The following CSMD1 variants were observed in gnomAD, a reference collection of about 807,000 sequenced individuals.
The protein encoded by CSMD1 is CUB and Sushi multiple domains 1.
CSMD1 carries 213 observed loss-of-function variants against 417.5 expected under a neutral mutation model. That is an observed-to-expected ratio of 0.51 (90% confidence interval 0.46 to 0.57). CSMD1 has a LOEUF of 0.57. Among genes scored for constraint, CSMD1 ranks in the 20% least tolerant of loss-of-function variants. The probability of loss-of-function intolerance (pLI) is 0.00; values close to 1 mark genes in which losing one functional copy is unlikely to be tolerated. For synonymous variants in CSMD1, 2,862 were observed against 1,736.8 expected (o/e 1.65, Z -16.11); for missense variants, 6,923 against 4,529.7 (o/e 1.53, Z -15.17).
At chr8:3,016,603 T>C (rs1808855608) in intron 52 of CSMD1, among the ~76,000 whole-genome samples, 1 of 152,262 alleles carries the variant, frequency 6.6e-6, no homozygotes, top group Non-Finnish European at 1.5e-5. Context: ...GTTTACCCAT[T>C]AGTATGTACA....
intron 12 of CSMD1, among the ~76,000 whole-genome samples, chr8:3,424,825 C>A (rs1813720168): frequency 6.6e-6 from 1 of 152,126 alleles, no homozygotes; most frequent in Non-Finnish European, 1.5e-5. Context: ...ATATTGTTAT[C>A]ATCATTCTAT....
chr8:4,122,098 A>C (rs1802517703), intron 3 of CSMD1, among the ~76,000 whole-genome samples: 1 of 152,152 alleles, frequency 6.6e-6, no homozygotes, highest in Admixed American at 6.5e-5. Flanking sequence ...ATAGAAATAT[A>C]ATATTGTATC....
At chr8:4,575,840 C>A (rs866148956) in intron 2 of CSMD1, among the ~76,000 whole-genome samples, 1 of 152,188 alleles carries the variant, frequency 6.6e-6, no homozygotes, top group Non-Finnish European at 1.5e-5. Flanking sequence ...TAGACTAGAT[C>A]ATCTCAGTCG....
At chr8:4,562,854 C>T in intron 2 of CSMD1, among the ~76,000 whole-genome samples, 1 of 152,146 alleles carries the variant, frequency 6.6e-6, no homozygotes, top group East Asian at 1.9e-4. Flanking sequence ...TCAAATGCCT[C>T]CAAAATACCC....
chr8:4,566,196 C>A (rs563684257), intron 2 of CSMD1, among the ~76,000 whole-genome samples: 1 of 152,086 alleles, frequency 6.6e-6, no homozygotes, highest in Admixed American at 6.5e-5. Flanking sequence ...CTACAATAGA[C>A]CATGCTAGTC....
intron 2 of CSMD1, among the ~76,000 whole-genome samples, chr8:4,595,028 T>C (rs1377785101): frequency 6.6e-6 from 1 of 152,206 alleles, no homozygotes; most frequent in African/African-American, 2.4e-5. Flanking sequence ...CTGGATTCCT[T>C]GTTGTATGTC....
chr8:3,484,539 T>C (rs1817917658), intron 11 of CSMD1, among the ~76,000 whole-genome samples: 1 of 152,140 alleles, frequency 6.6e-6, no homozygotes, highest in Admixed American at 6.5e-5. Context: ...AAAGAATCCT[T>C]AGAGTTGACA....
intron 37 of CSMD1, among the ~76,000 whole-genome samples, chr8:3,169,220 C>T (rs1178989202): frequency 6.6e-6 from 1 of 152,136 alleles, no homozygotes; most frequent in Non-Finnish European, 1.5e-5. Context: ...CCAAACAGTA[C>T]AGCCCTGTTT....
At chr8:3,242,797 GGGGTTGGGGCGCAGAAATAA>G (rs1418623195) in intron 26 of CSMD1, among the ~76,000 whole-genome samples, 2 of 33,308 alleles carry the variant, frequency 6.0e-5, no homozygotes, top group Non-Finnish European at 1.7e-4. Flanking sequence ...AAGCGGGAAA[GGGGTTGGGGCGCAGAAATAA>G]GGGGTTGGGG....
intron 1 of CSMD1, among the ~76,000 whole-genome samples, chr8:4,707,080 C>T (rs189134918): frequency 1.3e-5 from 2 of 152,184 alleles, no homozygotes; most frequent in African/African-American, 2.4e-5. Flanking sequence ...GAAAGATCAC[C>T]CTGGCAGCTG....
Position 3,796,917 on chromosome 8 carries a change from C to A in CSMD1, c.819-42875G>T, listed in dbSNP as rs146676478. Among the ~76,000 whole-genome samples, 295 of 151,506 alleles carry A rather than the reference C, an allele frequency of 1.9e-3. 2 individuals are homozygous for A. The highest frequency in any genetic ancestry group is 6.6e-3 in the African/African-American group (273 of 41,426). ...GGTTCTGCCTAACAACTCATTATAG[C>A]CTAATGAAGATTTTGGTTAATATGT... On this transcript the variant is annotated intron_variant, in intron 5 of 69. Coordinates refer to ENST00000635120, the MANE Select transcript of CSMD1 (RefSeq NM_033225.6).
At chr8:4,794,576 C>T (rs1055741924) in intron 1 of CSMD1, among the ~76,000 whole-genome samples, 4 of 152,130 alleles carry the variant, frequency 2.6e-5, no homozygotes, top group African/African-American at 9.7e-5. Flanking sequence ...GAGATTCTTC[C>T]CCTTCTCTCA....
At chr8:3,807,518 G>A (rs1476554617) in intron 5 of CSMD1, among the ~76,000 whole-genome samples, 1 of 152,104 alleles carries the variant, frequency 6.6e-6, no homozygotes, top group Non-Finnish European at 1.5e-5. Context: ...CCAGGGCAGA[G>A]CTTCAACAGA....
chr8:4,592,113 T>C (rs1274013247), intron 2 of CSMD1, among the ~76,000 whole-genome samples: 1 of 152,022 alleles, frequency 6.6e-6, no homozygotes, highest in Non-Finnish European at 1.5e-5. Context: ...ACGAGCGGCT[T>C]TGCTGGCATA....
At chr8:3,862,506 C>T (rs933021777) in intron 5 of CSMD1, among the ~76,000 whole-genome samples, 5 of 152,148 alleles carry the variant, frequency 3.3e-5, no homozygotes, top group Admixed American at 1.3e-4. Flanking sequence ...TTTCCCAGAC[C>T]TTACAACTGT....
At chr8:4,088,336 T>C (rs1050881880) in intron 3 of CSMD1, among the ~76,000 whole-genome samples, 1 of 152,210 alleles carries the variant, frequency 6.6e-6, no homozygotes, top group Non-Finnish European at 1.5e-5. Context: ...TTTACCATAC[T>C]GGCTTTGCAG....
At chr8:4,868,637 C>A (rs560315357) in intron 1 of CSMD1, among the ~76,000 whole-genome samples, 78 of 152,014 alleles carry the variant, frequency 5.1e-4, no homozygotes, top group Non-Finnish European at 6.5e-4. Flanking sequence ...CTACTTAATT[C>A]TGAAGGTAAT....
chr8:3,402,575 T>C (rs1201924532), intron 15 of CSMD1, among the ~76,000 whole-genome samples: 1 of 152,202 alleles, frequency 6.6e-6, no homozygotes, highest in East Asian at 1.9e-4. Context: ...TCTGCCAGAA[T>C]AAATAAATAA....
intron 1 of CSMD1, among the ~76,000 whole-genome samples, chr8:4,818,635 A>C (rs1027131552): frequency 6.6e-6 from 1 of 152,182 alleles, no homozygotes; most frequent in African/African-American, 2.4e-5. Flanking sequence ...TGCCAGTAAA[A>C]GGAAATAATA....
Sources: allele counts gnomAD v4.1 joint callset (sites outside exome capture counted in the v4.1 genomes callset), GRCh38; gene constraint gnomAD v4.1.1; transcripts MANE v1.5; gene names NCBI Gene and HGNC (gene_info 2026-07-23, HGNC 2026-07-21).